CALN1: variants seen among roughly 807,000 people sequenced by gnomAD.
CALN1 encodes the protein calneuron 1, also known as calcium-binding protein 8.
Under a neutral mutation model 30.6 loss-of-function variants are expected in CALN1, and 17 were observed. The ratio of observed to expected loss-of-function variants is 0.56; its 90% CI spans 0.38 to 0.83. The LOEUF is 0.83. Among genes scored for constraint, CALN1 ranks in the 40% least tolerant of loss-of-function variants. The pLI is 0.00. For synonymous variants in CALN1, 156 were observed against 131.4 expected, an observed-to-expected ratio of 1.19 and a Z score of -1.28; for missense variants, 291 against 354.9, an observed-to-expected ratio of 0.82 and a Z score of 1.45.
chr7:71,815,816 TTTTC>T (rs1788230184), intron 5 of CALN1, among the ~76,000 whole-genome samples: 1 of 93,118 alleles, frequency 1.1e-5, no homozygotes, highest in Non-Finnish European at 2.0e-5. Context: ...CCCTCCCTTC[TTTTC>T]TTCCTCCCTC....
intron 5 of CALN1, among the ~76,000 whole-genome samples, chr7:72,012,219 T>A (rs1002849271): frequency 2.6e-5 from 4 of 152,244 alleles, no homozygotes; most frequent in South Asian, 2.1e-4. Flanking sequence ...AGCAATTTTT[T>A]AAAATTACTT....
chr7:72,309,042 G>C (rs999717811), intron 2 of CALN1, among the ~76,000 whole-genome samples: 1 of 152,182 alleles, frequency 6.6e-6, no homozygotes, highest in Admixed American at 6.5e-5. Flanking sequence ...ATGGAGCACA[G>C]GCCAATTAAA....
chr7:72,186,889 T>C, intron 3 of CALN1, among the ~76,000 whole-genome samples: 1 of 48,664 alleles, frequency 2.1e-5, no homozygotes, highest in African/African-American at 1.3e-4. Flanking sequence ...GCAGAGCTTT[T>C]TTTTTTTTTT....
intron 2 of CALN1, among the ~76,000 whole-genome samples, chr7:72,384,537 CAG>C (rs1479881066): frequency 4.6e-5 from 7 of 151,854 alleles, no homozygotes; most frequent in Non-Finnish European, 7.4e-5. Context: ...AAGAGGTTGA[CAG>C]GGGAGGATTG....
intron 3 of CALN1, among the ~76,000 whole-genome samples, chr7:72,220,747 AG>A: frequency 6.6e-6 from 1 of 152,122 alleles, no homozygotes; most frequent in South Asian, 2.1e-4. Flanking sequence ...AACTGGTGTG[AG>A]ATGGCATCTC....
At chr7:72,179,166 T>C (rs1789578399) in intron 3 of CALN1, among the ~76,000 whole-genome samples, 1 of 152,228 alleles carries the variant, frequency 6.6e-6, no homozygotes. Context: ...GTATTATGAC[T>C]TTCAAGGGCA....
chr7:71,885,139 A>G (rs970784879), intron 5 of CALN1, among the ~76,000 whole-genome samples: 2 of 152,194 alleles, frequency 1.3e-5, no homozygotes, highest in Non-Finnish European at 2.9e-5. Flanking sequence ...TTTCTGGACC[A>G]AACCAATGTT....
chr7:72,110,952 G>A (rs1807528467), intron 3 of CALN1, among the ~76,000 whole-genome samples: 1 of 152,138 alleles, frequency 6.6e-6, no homozygotes, highest in African/African-American at 2.4e-5. Context: ...GTGGGCTTTG[G>A]CCACTTTCCC....
At chr7:72,373,317 T>C (rs370366362) in intron 2 of CALN1, among the ~76,000 whole-genome samples, 3 of 152,148 alleles carry the variant, frequency 2.0e-5, no homozygotes, top group East Asian at 3.9e-4. Context: ...AGAAAAAACA[T>C]ATGATGCAGA....
chr7:72,069,133 C>T (rs755501581), intron 4 of CALN1, among the ~76,000 whole-genome samples: 16 of 152,186 alleles, frequency 1.1e-4, no homozygotes, highest in Non-Finnish European at 1.9e-4. Context: ...AGTGACACTG[C>T]AAAGTGGCTG....
intron 4 of CALN1, among the ~76,000 whole-genome samples, chr7:72,086,580 C>T (rs949322143): frequency 6.6e-6 from 1 of 152,002 alleles, no homozygotes; most frequent in Non-Finnish European, 1.5e-5. Flanking sequence ...ACTACCGGCC[C>T]GTGCCACCAT....
chr7:72,409,645 T>G (rs6971325), intron 1 of CALN1, among the ~76,000 whole-genome samples: 2,115 of 152,108 alleles, frequency 0.014, 46 homozygotes, highest in African/African-American at 0.049. Context: ...GGAGCAAGAT[T>G]GAGCTGAAAA....
At chr7:72,241,279 T>G (rs1794809882) in intron 3 of CALN1, among the ~76,000 whole-genome samples, 2 of 152,188 alleles carry the variant, frequency 1.3e-5, no homozygotes, top group African/African-American at 4.8e-5. Flanking sequence ...GGGAGAGTCG[T>G]TTCTTAGTGT....
chr7:72,261,876 G>T (rs1201506952), intron 3 of CALN1, among the ~76,000 whole-genome samples: 1 of 152,172 alleles, frequency 6.6e-6, no homozygotes, highest in Non-Finnish European at 1.5e-5. Context: ...GGCCTTGAAT[G>T]TTAACCAGAT....
rs558382712 is a variant in CALN1 at position 71,975,081 on chromosome 7, T to A, written c.501+48576A>T. ...ACCAAATCCAATTAGTCACTGGCTG[T>A]GTTTCTTCTCATCAGCAAGAAGGGT... On this transcript the variant is annotated intron_variant, in intron 5 of 6. Transcript: ENST00000395275. Among the ~76,000 whole-genome samples, 14 of 152,276 alleles carry A rather than the reference T, an allele frequency of 9.2e-5. 1 individual carries two copies. The East Asian group carries it at 2.5e-3, about 27-fold the overall frequency.
At chr7:72,018,071 C>A (rs1584754842) in intron 5 of CALN1, among the ~76,000 whole-genome samples, 1 of 152,100 alleles carries the variant, frequency 6.6e-6, no homozygotes, top group South Asian at 2.1e-4. Flanking sequence ...AACACGGTTG[C>A]ACGGGGCTTG....
chr7:71,969,883 G>A (rs1215765572), intron 5 of CALN1, among the ~76,000 whole-genome samples: 1 of 151,360 alleles, frequency 6.6e-6, no homozygotes, highest in Non-Finnish European at 1.5e-5. Context: ...GGAGTGCAGT[G>A]GTATGATCTT....
the CALN1 span, among the ~76,000 whole-genome samples, chr7:72,483,266 TC>T: frequency 2.9e-4 from 35 of 119,456 alleles, 1 homozygote; most frequent in Middle Eastern, 3.8e-3. Flanking sequence ...TTGGTTTTTT[TC>T]CTTTTTCTTT....
chr7:72,125,248 C>G (rs1396807497), intron 3 of CALN1, among the ~76,000 whole-genome samples: 2 of 152,160 alleles, frequency 1.3e-5, no homozygotes, highest in Non-Finnish European at 2.9e-5. Context: ...CTCCTGGCCT[C>G]AAGTGATCCG....
Sources: gnomAD v4.1 joint callset for allele counts (sites outside exome capture counted in the v4.1 genomes callset) on GRCh38, gnomAD v4.1.1 for gene constraint, MANE v1.5 for transcripts, NCBI Gene and HGNC (gene_info 2026-07-23, HGNC 2026-07-21) for gene names.